Variants in PCDH9 observed in about 807,000 individuals in gnomAD.
PCDH9 encodes protocadherin 9.
In PCDH9, 24 loss-of-function variants were observed where a neutral mutation model predicts 70.6. That is an observed-to-expected ratio of 0.34 (90% confidence interval 0.25 to 0.48). The LOEUF (loss-of-function observed/expected upper bound fraction) is 0.48. Among genes scored for constraint, PCDH9 ranks in the 20% least tolerant of loss-of-function variants. The probability of loss-of-function intolerance (pLI) is 0.99; values close to 1 mark genes in which losing one functional copy is unlikely to be tolerated. For synonymous variants in PCDH9, 562 were observed against 558.5 expected (o/e 1.01, Z -0.09); for missense variants, 1,281 against 1,503.6 (o/e 0.85, Z 2.45).
rs1234569771 is a variant in PCDH9, at chr13:66,607,643, T to C, written c.3340+23567A>G. On this transcript the variant is annotated intron_variant, in intron 4 of 4. Transcript: ENST00000377865. ...CACCCATATTTCTGTATTCTCATAG[T>C]ACCAATGAATTAGTCTCAAATGTTA... Among the ~76,000 whole-genome samples the C allele has an allele frequency of 3.9e-5, 6 of 152,122 alleles. No individual in the cohort carries two copies. The East Asian group carries it at 1.2e-3, about 29-fold the overall frequency.
At chr13:66,813,653 A>G (rs921518877) in intron 3 of PCDH9, among the ~76,000 whole-genome samples, 12 of 152,186 alleles carry the variant, frequency 7.9e-5, no homozygotes, top group African/African-American at 2.9e-4. Context: ...TATTTATTTC[A>G]TGGTGACTAG....
intron 3 of PCDH9, among the ~76,000 whole-genome samples, chr13:66,773,809 G>C (rs1363613866): frequency 6.7e-6 from 1 of 149,632 alleles, no homozygotes; most frequent in African/African-American, 2.5e-5. Flanking sequence ...ACGGAGCTTC[G>C]CTCTTGTCTC....
At chr13:66,773,785 CTT>C (rs762628524) in intron 3 of PCDH9, among the ~76,000 whole-genome samples, 1 of 144,330 alleles carries the variant, frequency 6.9e-6, no homozygotes. Context: ...AATTTTTTTT[CTT>C]TTTTTTTTTA....
At chr13:66,575,464 A>T (rs2076801551) in intron 4 of PCDH9, among the ~76,000 whole-genome samples, 1 of 152,090 alleles carries the variant, frequency 6.6e-6, no homozygotes, top group South Asian at 2.1e-4. Context: ...ATGGTTCTTA[A>T]CTGGTTTTGG....
At chr13:67,059,870 TTTTTG>T (rs2085502230) in intron 2 of PCDH9, among the ~76,000 whole-genome samples, 2 of 101,392 alleles carry the variant, frequency 2.0e-5, no homozygotes, top group African/African-American at 7.6e-5. Context: ...TGTTGTTTGT[TTTTTG>T]TTTTTTGTTG....
intron 3 of PCDH9, among the ~76,000 whole-genome samples, chr13:66,786,683 A>C (rs2080084826): frequency 6.6e-6 from 1 of 152,200 alleles, no homozygotes; most frequent in African/African-American, 2.4e-5. Flanking sequence ...CCCTGCAAGA[A>C]GGCAGGACTA....
intron 4 of PCDH9, among the ~76,000 whole-genome samples, chr13:66,426,115 T>G (rs1263820655): frequency 6.6e-6 from 1 of 151,582 alleles, no homozygotes; most frequent in African/African-American, 2.4e-5. Context: ...GTACCAAACA[T>G]TCATTACGGA....
At chr13:66,429,534 A>C (rs1177803939) in intron 4 of PCDH9, among the ~76,000 whole-genome samples, 1 of 151,530 alleles carries the variant, frequency 6.6e-6, no homozygotes, top group Non-Finnish European at 1.5e-5. Flanking sequence ...TTAGGAAATG[A>C]GGTTTGGAGG....
chr13:66,665,450 T>C (rs535444115), intron 3 of PCDH9, among the ~76,000 whole-genome samples: 1 of 152,192 alleles, frequency 6.6e-6, no homozygotes, highest in East Asian at 1.9e-4. Context: ...ATCCTATGCG[T>C]TTTCCCTTAC....
intron 2 of PCDH9, chr13:67,206,001 T>G (rs2089331724): frequency 6.6e-6 from 1 of 152,076 alleles, no homozygotes; most frequent in Non-Finnish European, 1.5e-5. Flanking sequence ...TCACCACGCC[T>G]GGATATTTTT....
At chr13:67,118,802 C>A (rs2086825553) in intron 2 of PCDH9, among the ~76,000 whole-genome samples, 1 of 152,144 alleles carries the variant, frequency 6.6e-6, no homozygotes, top group Admixed American at 6.6e-5. Flanking sequence ...CACACTACAA[C>A]CTATTTATCC....
intron 2 of PCDH9, among the ~76,000 whole-genome samples, chr13:66,934,874 C>T (rs2082888302): frequency 6.8e-6 from 1 of 147,490 alleles, no homozygotes; most frequent in Non-Finnish European, 1.5e-5. Flanking sequence ...GCGCCCGCTA[C>T]CACGCCCGGC....
intron 4 of PCDH9, among the ~76,000 whole-genome samples, chr13:66,581,708 C>G (rs1299196284): frequency 6.6e-6 from 1 of 152,078 alleles, no homozygotes; most frequent in Non-Finnish European, 1.5e-5. Flanking sequence ...CCATGTGTGC[C>G]CAAGAAATGA....
intron 4 of PCDH9, among the ~76,000 whole-genome samples, chr13:66,456,330 T>C (rs1270888217): frequency 2.2e-4 from 33 of 152,138 alleles, no homozygotes; most frequent in Non-Finnish European, 1.6e-4. Flanking sequence ...AGTGCAATCA[T>C]AGCTCACTAT....
chr13:66,513,776 C>G (rs983713904), intron 4 of PCDH9, among the ~76,000 whole-genome samples: 2 of 148,564 alleles, frequency 1.3e-5, no homozygotes, highest in African/African-American at 4.9e-5. Context: ...AAGTTGAAGT[C>G]AGGATATTTT....
At chr13:67,036,924 C>T (rs1453532001) in intron 2 of PCDH9, among the ~76,000 whole-genome samples, 1 of 152,192 alleles carries the variant, frequency 6.6e-6, no homozygotes, top group Non-Finnish European at 1.5e-5. Context: ...GCGCCATTAT[C>T]ATGCAGCAGT....
chr13:67,167,345 A>G (rs766033851), intron 2 of PCDH9, among the ~76,000 whole-genome samples: 38 of 152,168 alleles, frequency 2.5e-4, no homozygotes, highest in Non-Finnish European at 4.6e-4. Flanking sequence ...TAATAATGAT[A>G]TCTATTTCAT....
At chr13:66,574,971 G>A (rs543872572) in intron 4 of PCDH9, among the ~76,000 whole-genome samples, 4 of 152,154 alleles carry the variant, frequency 2.6e-5, no homozygotes, top group African/African-American at 9.6e-5. Context: ...TCAGGAGTTC[G>A]AGACCAACCT....
chr13:67,227,929 G>A lies in PCDH9; in HGVS notation c.512C>T (p.Thr171Ile). Residue 171 changes from threonine to isoleucine, a missense_variant, in exon 2 of 5, where the codon ACA becomes ATA. By Grantham distance (89) the Thr-to-Ile change is moderately conservative. Coordinates refer to ENST00000377865, the MANE Select transcript of PCDH9 (RefSeq NM_203487.3). This position sits in a 1 kb window ranked among gnomAD's most constrained non-coding sequence, Gnocchi z 4.6. ...ATAATGCTGTACACCATTGAAGCCT[G>A]TGTCAGGATCTGTTGCTGATGGAAT... ...FPIPSATDPD[T>I]GFNGVQHYEL... The A allele has an allele frequency of 6.2e-7, 1 of 1,614,152 alleles. No homozygotes were observed. The highest frequency in any genetic ancestry group is 2.2e-5 in the East Asian group (1 of 44,878).
Sources: gnomAD v4.1 joint callset for allele counts (sites outside exome capture counted in the v4.1 genomes callset) on GRCh38, gnomAD v4.1.1 for gene constraint, Gnocchi (gnomAD v3.1) non-coding constraint, MANE v1.5 for transcripts, NCBI Gene and HGNC (gene_info 2026-07-23, HGNC 2026-07-21) for gene names.